The following CLVS1 variants were observed in gnomAD, a reference collection of about 807,000 sequenced individuals.
The protein encoded by CLVS1 is clavesin 1, also known as clavesin-1.
CLVS1 carries 10 observed loss-of-function variants against 33.1 expected under a neutral mutation model. That is an observed-to-expected ratio of 0.30 (90% CI 0.19 to 0.51). The LOEUF (loss-of-function observed/expected upper bound fraction) is 0.51. Ranked by LOEUF, CLVS1 falls within the 20% of genes least tolerant of loss-of-function variation. The pLI, the probability that CLVS1 is intolerant of heterozygous loss-of-function variation, is 0.97. For synonymous variants in CLVS1, 163 were observed against 166.1 expected (o/e 0.98, Z 0.14); for missense variants, 343 against 433.4 (o/e 0.79, Z 1.85).
chr8:61,420,071 C>T (rs976349552), intron 3 of CLVS1, among the ~76,000 whole-genome samples: 1 of 152,164 alleles, frequency 6.6e-6, no homozygotes. Flanking sequence ...CCTTTTATTT[C>T]ATGGAACTCA....
At chr8:61,373,233 GAGGT>G (rs1410211394) in intron 2 of CLVS1, among the ~76,000 whole-genome samples, 1 of 152,196 alleles carries the variant, frequency 6.6e-6, no homozygotes, top group African/African-American at 2.4e-5. Flanking sequence ...GCTAAGGTAA[GAGGT>G]AGGCTTACAC....
the CLVS1 span, among the ~76,000 whole-genome samples, chr8:61,047,766 G>A: frequency 6.6e-6 from 1 of 152,246 alleles, no homozygotes; most frequent in Middle Eastern, 3.4e-3. Flanking sequence ...CACAGGAAGG[G>A]GAACATCACA....
chr8:61,130,101 G>A (rs1806059047), intron 1 of CLVS1, among the ~76,000 whole-genome samples: 1 of 152,010 alleles, frequency 6.6e-6, no homozygotes, highest in South Asian at 2.1e-4. Flanking sequence ...AGCCAGGTGT[G>A]ATGGCACGTG....
the CLVS1 span, among the ~76,000 whole-genome samples, chr8:61,015,829 C>G: frequency 4.6e-5 from 7 of 152,158 alleles, no homozygotes; most frequent in African/African-American, 1.7e-4. Flanking sequence ...TCCAACCGGC[C>G]TTCCACCACT....
chr8:61,203,501 A>T (rs1331527057), intron 2 of CLVS1, among the ~76,000 whole-genome samples: 2 of 151,588 alleles, frequency 1.3e-5, no homozygotes, highest in African/African-American at 4.9e-5. Context: ...TCGTGGGGAG[A>T]CAAAAATATA....
intron 2 of CLVS1, chr8:61,131,906 G>C (rs1204391683): frequency 1.3e-5 from 2 of 152,220 alleles, no homozygotes; most frequent in Non-Finnish European, 2.9e-5. Context: ...ATAAACTTCA[G>C]TGCTCGGGGA....
chr8:61,500,595 G>A lies in CLVS1; in HGVS notation c.*1053G>A, dbSNP rs747498217. 1 of 151,966 alleles carries A rather than the reference G, an allele frequency of 6.6e-6. No individual in the cohort carries two copies. The highest frequency in any genetic ancestry group is 1.5e-5 in the Non-Finnish European group (1 of 68,018). The allele number at this position is 151,966 out of a possible 1,614,324, so 9.4% of individuals were successfully genotyped here. A position where few individuals can be genotyped will look rare whatever the true frequency, so the allele number is the denominator to read the frequency against. ...TCATTTTATTTACCTAGTCTCCTTAGAAATGGAGTCCCCAACTACTCATTC... is the reference window on the plus strand; with the variant it reads ...TCATTTTATTTACCTAGTCTCCTTAAAAATGGAGTCCCCAACTACTCATTC... On this transcript the variant is annotated 3_prime_UTR_variant, in exon 6 of 6. Transcript: ENST00000325897.
At chr8:61,083,292 G>T (rs1235208260) in intron 1 of CLVS1, among the ~76,000 whole-genome samples, 1 of 152,164 alleles carries the variant, frequency 6.6e-6, no homozygotes, top group African/African-American at 2.4e-5. Flanking sequence ...CTACTTTTAG[G>T]CTGGATGAGT....
At chr8:61,099,937 G>T (rs1451921680) in intron 1 of CLVS1, among the ~76,000 whole-genome samples, 1 of 152,126 alleles carries the variant, frequency 6.6e-6, no homozygotes, top group Non-Finnish European at 1.5e-5. Context: ...TCGGAACACA[G>T]ACAATAAGCA....
the CLVS1 span, among the ~76,000 whole-genome samples, chr8:61,004,233 G>A: frequency 3.9e-5 from 6 of 152,326 alleles, no homozygotes; most frequent in East Asian, 3.9e-4. Flanking sequence ...CAATGTTAGC[G>A]GATGCTCCTT....
Position 61,074,868 on chromosome 8 carries a change from C to A in CLVS1, c.-243+17638C>A, listed in dbSNP as rs1804880653. 1.3e-5 allele frequency among the ~76,000 whole-genome samples: 2 copies of A among 152,090 alleles called. 1 individual carries two copies. Among genetic ancestry groups the A allele is most frequent in the Admixed American group, 1.3e-4 (2 of 15,268 alleles). On this transcript the variant is annotated intron_variant, in intron 1 of 2. Transcript: ENST00000522621. ...AATGAATACATACCCTTGGAATTAA[C>A]AGAAATGAAAGACTACTCCCAGCTT...
intron 4 of CLVS1, among the ~76,000 whole-genome samples, chr8:61,454,684 C>T (rs969442432): frequency 6.6e-6 from 1 of 152,200 alleles, no homozygotes; most frequent in African/African-American, 2.4e-5. Context: ...AACTGCATCA[C>T]CTGTAAAGCT....
chr8:61,144,270 G>A (rs1378110333), intron 2 of CLVS1, among the ~76,000 whole-genome samples: 3 of 151,934 alleles, frequency 2.0e-5, no homozygotes, highest in Admixed American at 6.6e-5. Context: ...CTAATTGTTC[G>A]ACTCCCGCTT....
chr8:61,323,244 T>A (rs1811263745), intron 2 of CLVS1, among the ~76,000 whole-genome samples: 1 of 152,026 alleles, frequency 6.6e-6, no homozygotes, highest in East Asian at 1.9e-4. Flanking sequence ...TTCTTTAGGG[T>A]TAGGATTCTC....
chr8:61,439,012 C>T (rs141742131), intron 3 of CLVS1, among the ~76,000 whole-genome samples: 22 of 152,274 alleles, frequency 1.4e-4, no homozygotes, highest in Non-Finnish European at 2.2e-4. Flanking sequence ...TTGCAAACTT[C>T]GTTACACACT....
chr8:61,431,307 G>A (rs191714127), intron 3 of CLVS1, among the ~76,000 whole-genome samples: 1 of 152,180 alleles, frequency 6.6e-6, no homozygotes, highest in African/African-American at 2.4e-5. Context: ...GATTTCTTGT[G>A]TAAGAGACTT....
At chr8:61,212,762 ACACTCC>A (rs1807999119) in intron 2 of CLVS1, among the ~76,000 whole-genome samples, 1 of 152,138 alleles carries the variant, frequency 6.6e-6, no homozygotes, top group African/African-American at 2.4e-5. Context: ...AGCTGAATGG[ACACTCC>A]TCAGCCGGGC....
upstream of CLVS1, among the ~76,000 whole-genome samples, chr8:61,054,517 A>G (rs1804443153): frequency 6.6e-6 from 1 of 152,106 alleles, no homozygotes; most frequent in South Asian, 2.1e-4. Flanking sequence ...AAACTGACTA[A>G]TCCTGCCAGA....
chr8:61,055,984 G>C (rs1190600015), upstream of CLVS1, among the ~76,000 whole-genome samples: 1 of 152,222 alleles, frequency 6.6e-6, no homozygotes, highest in Non-Finnish European at 1.5e-5. Flanking sequence ...GGTTGGCTGG[G>C]GGGAGAAAAG....
Sources: gnomAD v4.1 joint callset for allele counts (sites outside exome capture counted in the v4.1 genomes callset) on GRCh38, gnomAD v4.1.1 for gene constraint, MANE v1.5 for transcripts, NCBI Gene and HGNC (gene_info 2026-07-23, HGNC 2026-07-21) for gene names.